The following TUBGCP6 variants were observed in gnomAD, a reference collection of about 807,000 sequenced individuals.
The protein encoded by TUBGCP6 is gamma-tubulin complex component 6.
Under a neutral mutation model 175.8 loss-of-function variants are expected in TUBGCP6, and 161 were observed. The observed-to-expected ratio is 0.92, with a 90% CI of 0.81 to 1.04. The LOEUF is 1.04. Ranked by LOEUF, TUBGCP6 falls within the 50% of genes least tolerant of loss-of-function variation. The pLI is 0.00. For synonymous variants in TUBGCP6, 1,173 were observed against 1,030.5 expected (o/e 1.14, Z -2.65); for missense variants, 2,572 against 2,433.0 (o/e 1.06, Z -1.20).
chr22:50,225,305 C>T (rs1008047589), intron 10 of TUBGCP6, among the ~76,000 whole-genome samples: 5 of 152,012 alleles, frequency 3.3e-5, no homozygotes, highest in Non-Finnish European at 7.4e-5. Context: ...CTGGGAATGG[C>T]ACTGATTGTA....
rs373212442 is a variant in TUBGCP6 at position 50,221,707 on chromosome 22, C to T, written c.2652G>A (p.Ala884=). ...VGAGGRGLQQ[A]EGARPFSDSL... ...TGTCAGAGAAGGGTCTGGCCCCCTCCGCCTGCTGCAGCCCCCTGCCACCAG... is the reference window on the plus strand; with the variant it reads ...TGTCAGAGAAGGGTCTGGCCCCCTCTGCCTGCTGCAGCCCCCTGCCACCAG... The change falls in exon 16 of 25, where the codon GCG becomes GCA. Residue 884 remains alanine (A), a synonymous_variant. Transcript: ENST00000248846. The T allele has an allele frequency of 3.2e-5, 48 of 1,515,540 alleles. No individual in the cohort carries two copies. The highest frequency in any genetic ancestry group is 3.9e-5 in the Non-Finnish European group (44 of 1,133,494). The allele number at this position is 1,515,540 out of a possible 1,614,324, so 93.9% of individuals were successfully genotyped here. A position where few individuals can be genotyped will look rare whatever the true frequency, so the allele number is the denominator to read the frequency against.
intron 2 of TUBGCP6, 101 bp downstream of exon 2, chr22:50,240,102 GC>G (rs1295505710): frequency 6.6e-7 from 1 of 1,509,618 alleles, no homozygotes; most frequent in East Asian, 2.4e-5. Context: ...CATCACAACT[GC>G]CTGGACCCCT....
rs1369431195 is a variant in TUBGCP6, at chr22:50,218,534, G to A, written c.4908C>T (p.Leu1636=). 5 of 1,613,790 alleles carry A rather than the reference G, an allele frequency of 3.1e-6. No individual in the cohort carries two copies. Among genetic ancestry groups the A allele is most frequent in the Non-Finnish European group, 2.5e-6 (3 of 1,179,990 alleles). ...AGACGTCCTTGAGCGCCCACATCATGAGCTTCAGCTGCAGCAGGAAGGAGA... is the reference window on the plus strand; with the variant it reads ...AGACGTCCTTGAGCGCCCACATCATAAGCTTCAGCTGCAGCAGGAAGGAGA... ...GVFSFLLQLK[L]MMWALKDVCF... Residue 1636 remains leucine (L), a synonymous_variant, in exon 22 of 25, where the codon CTC becomes CTT. Coordinates refer to ENST00000248846, the MANE Select transcript of TUBGCP6 (RefSeq NM_020461.4).
In TUBGCP6 at chr22:50,227,074, G is replaced by A; in HGVS notation, c.1416C>T (p.Tyr472=). Reference sequence around the variant, plus strand: ...CGCCAACGCCACAGAGCTCGGCCAGGTACCTAGACCCAGAGGCAGGATGAG... The same window carrying A: ...CGCCAACGCCACAGAGCTCGGCCAGATACCTAGACCCAGAGGCAGGATGAG... The part of the protein sequence containing the change: ...LFKKLGRQLR[Y]LAELCGVGAV... The change falls in exon 6 of 25, where the codon TAC becomes TAT. Residue 472 remains tyrosine (Y), a synonymous_variant. Coordinates refer to ENST00000248846, the MANE Select transcript of TUBGCP6 (RefSeq NM_020461.4). The A allele has an allele frequency of 6.2e-7, 1 of 1,610,798 alleles. No individual in the cohort carries two copies. The highest frequency in any genetic ancestry group is 8.5e-7 in the Non-Finnish European group (1 of 1,178,888).
chr22:50,231,585 C>A (rs989776847), intron 3 of TUBGCP6, among the ~76,000 whole-genome samples: 6 of 152,256 alleles, frequency 3.9e-5, no homozygotes, highest in Non-Finnish European at 8.8e-5. Flanking sequence ...TAGGGCCAGG[C>A]ACGATGGCTC....
intron 22 of TUBGCP6, 40 bp downstream of exon 22, chr22:50,218,448 A>T (rs752789093): frequency 6.2e-7 from 1 of 1,612,974 alleles, no homozygotes; most frequent in South Asian, 1.1e-5. Context: ...CGCAGCCTCC[A>T]GCCAGGGGTG....
Position 50,244,711 on chromosome 22 carries a change from G to C in TUBGCP6, c.-252C>G. 1 of 541,694 alleles carries C rather than the reference G, an allele frequency of 1.8e-6. No individual in the cohort carries two copies. Among genetic ancestry groups the C allele is most frequent in the Middle Eastern group, 5.0e-4 (1 of 2,000 alleles). The allele number at this position is 541,694 out of a possible 1,614,324, so 33.6% of individuals were successfully genotyped here. A position where few individuals can be genotyped will look rare whatever the true frequency, so the allele number is the denominator to read the frequency against. ...CGGCAGCCCACCAGAAGCCAGCTCGGCGTTTCTTCTAATTCAGTAGCCCTC... is the reference window on the plus strand; with the variant it reads ...CGGCAGCCCACCAGAAGCCAGCTCGCCGTTTCTTCTAATTCAGTAGCCCTC... On this transcript the variant is annotated 5_prime_UTR_variant, in exon 1 of 25. Coordinates refer to ENST00000248846, the MANE Select transcript of TUBGCP6 (RefSeq NM_020461.4).
intron 4 of TUBGCP6, among the ~76,000 whole-genome samples, chr22:50,228,823 C>G (rs1432570488): frequency 6.6e-6 from 1 of 152,162 alleles, no homozygotes; most frequent in East Asian, 1.9e-4. Context: ...GCTGCGCTGC[C>G]TGGCTCCTCC....
At chr22:50,232,365 CAAAA>C (rs765363119) in intron 3 of TUBGCP6, among the ~76,000 whole-genome samples, 2 of 94,902 alleles carry the variant, frequency 2.1e-5, no homozygotes, top group African/African-American at 8.3e-5. Flanking sequence ...GACTCTGTCT[CAAAA>C]AAAAAAAAGA....
rs1254482410 is a variant in TUBGCP6 at position 50,243,777 on chromosome 22, A to ACAGTC, written c.682_683insGACTG (p.Val228GlyfsTer41). On this transcript the variant is annotated frameshift_variant, in exon 1 of 25. Coordinates refer to ENST00000248846, the MANE Select transcript of TUBGCP6 (RefSeq NM_020461.4). LOFTEE classifies it high-confidence loss of function. ...TGGCACGGGGGGCAGGCCCAGTCGG[A>ACAGTC]CGTCCATGTCATAAGTGCGGCTGTG... 6.8e-6 allele frequency: 11 copies of ACAGTC among 1,613,586 alleles called. No individual in the cohort carries two copies. Among genetic ancestry groups the ACAGTC allele is most frequent in the Non-Finnish European group, 8.5e-6 (10 of 1,179,984 alleles).
intron 3 of TUBGCP6, among the ~76,000 whole-genome samples, chr22:50,230,574 C>A (rs954599948): frequency 6.0e-5 from 9 of 151,056 alleles, no homozygotes; most frequent in East Asian, 3.9e-4. Flanking sequence ...CCTTTGCACT[C>A]CAGCCTGGGA....
intron 5 of TUBGCP6, among the ~76,000 whole-genome samples, chr22:50,227,626 G>A (rs2064631555): frequency 1.3e-5 from 2 of 152,332 alleles, no homozygotes; most frequent in African/African-American, 4.8e-5. Context: ...CAGCTTGTGT[G>A]TACCGGACGC....
chr22:50,221,996 T>G, intron 15 of TUBGCP6, 32 bp downstream of exon 15: 1 of 1,612,850 alleles, frequency 6.2e-7, no homozygotes, highest in Non-Finnish European at 8.5e-7. Context: ...GGGAAAACCA[T>G]AGGGCACCCT....
chr22:50,237,779 T>C (rs981745424), intron 2 of TUBGCP6, among the ~76,000 whole-genome samples: 1 of 152,160 alleles, frequency 6.6e-6, no homozygotes, highest in African/African-American at 2.4e-5. Flanking sequence ...TGAGTGACCA[T>C]GTCTCCTCAT....
intron 3 of TUBGCP6, among the ~76,000 whole-genome samples, chr22:50,230,105 T>TA (rs1331819765): frequency 4.0e-5 from 6 of 151,650 alleles, no homozygotes; most frequent in African/African-American, 1.5e-4. Context: ...GGAAAAAAAA[T>TA]ATCCCGCAAT....
At position 50,221,717 on chromosome 22, in the gene TUBGCP6, A is replaced by T; in HGVS notation, c.2642T>A (p.Leu881Gln). Residue 881 changes from leucine to glutamine, a missense_variant, in exon 16 of 25, where the codon CTG becomes CAG. Leu to Gln is a moderately radical substitution (Grantham distance 113). Coordinates refer to ENST00000248846, the MANE Select transcript of TUBGCP6 (RefSeq NM_020461.4). Reference sequence around the variant, plus strand: ...GGGTCTGGCCCCCTCCGCCTGCTGCAGCCCCCTGCCACCAGCCCCCACTGC... The same window carrying T: ...GGGTCTGGCCCCCTCCGCCTGCTGCTGCCCCCTGCCACCAGCCCCCACTGC... Reference protein sequence around the residue: ...PLAVGAGGRGLQQAEGARPFS... With the variant: ...PLAVGAGGRGQQQAEGARPFS... 1 of 1,515,710 alleles carries T rather than the reference A, an allele frequency of 6.6e-7. No individual in the cohort carries two copies. The highest frequency in any genetic ancestry group is 8.8e-7 in the Non-Finnish European group (1 of 1,133,454). The allele number at this position is 1,515,710 out of a possible 1,614,324, so 93.9% of individuals were successfully genotyped here.
At chr22:50,239,445 G>A (rs1464492742) in intron 2 of TUBGCP6, among the ~76,000 whole-genome samples, 1 of 152,194 alleles carries the variant, frequency 6.6e-6, no homozygotes, top group Non-Finnish European at 1.5e-5. Context: ...CCAAAGTGCT[G>A]GGATTACAGA....
intron 1 of TUBGCP6, 87 bp downstream of exon 1, chr22:50,243,632 A>AGAAGAAGAAGAAGAAG: frequency 2.1e-6 from 2 of 953,114 alleles, no homozygotes. Flanking sequence ...AAAAAAAAAA[A>AGAAGAAGAAGAAGAAG]AAGAAGAAGA....
rs141759397 is a variant in TUBGCP6 at position 50,233,325 on chromosome 22, C to A, written c.1107G>T (p.Ser369=). 6.2e-7 allele frequency: 1 copy of A among 1,612,940 alleles called. No individual in the cohort carries two copies. Among genetic ancestry groups the A allele is most frequent in the Non-Finnish European group, 8.5e-7 (1 of 1,179,508 alleles). The part of the protein sequence containing the change: ...VLIGVVSATF[S]LCQPAQAFVV... Reference sequence around the variant, plus strand: ...AGTGAGCAGTTCTCACCTGGCAGAGCGAAAACGTGGCAGACACGACCCCAA... The same window carrying A: ...AGTGAGCAGTTCTCACCTGGCAGAGAGAAAACGTGGCAGACACGACCCCAA... The change falls in exon 3 of 25, where the codon TCG becomes TCT. Residue 369 remains serine, a synonymous_variant. Coordinates refer to ENST00000248846, the MANE Select transcript of TUBGCP6 (RefSeq NM_020461.4).
Sources: gnomAD v4.1 joint callset for allele counts (sites outside exome capture counted in the v4.1 genomes callset) on GRCh38, gnomAD v4.1.1 for gene constraint, MANE v1.5 for transcripts, NCBI Gene and HGNC (gene_info 2026-07-23, HGNC 2026-07-21) for gene names.